OXR1: variants seen among roughly 807,000 people sequenced by gnomAD.
The protein encoded by OXR1 is oxidation resistance 1, also known as oxidation resistance protein 1.
Under a neutral mutation model 104.6 loss-of-function variants are expected in OXR1, and 41 were observed. The observed-to-expected ratio is 0.39, with a 90% confidence interval of 0.31 to 0.51. The LOEUF (loss-of-function observed/expected upper bound fraction) is 0.51, where lower values mean the gene tolerates loss of function less well. OXR1 is among the 20% of genes least tolerant of loss of function. OXR1 has a pLI of 0.77. For synonymous variants in OXR1, 348 were observed against 348.4 expected (o/e 1.00, Z 0.01); for missense variants, 955 against 1,031.9 (o/e 0.93, Z 1.02).
chr8:106,459,214 C>A (rs925967387), intron 2 of OXR1, among the ~76,000 whole-genome samples: 2 of 152,072 alleles, frequency 1.3e-5, no homozygotes, highest in Non-Finnish European at 2.9e-5. Flanking sequence ...GTGGTTATAT[C>A]ACCTCTTATT....
chr8:106,676,919 A>G (rs1827651622), intron 3 of OXR1, among the ~76,000 whole-genome samples: 1 of 152,104 alleles, frequency 6.6e-6, no homozygotes, highest in African/African-American at 2.4e-5. Context: ...TTTGTTTTTC[A>G]AACTTTAAAG....
At chr8:106,310,140 T>C (rs115836913) in intron 1 of OXR1, among the ~76,000 whole-genome samples, 2,741 of 152,096 alleles carry the variant, frequency 0.018, 76 homozygotes, top group African/African-American at 0.063. Context: ...ATATTATGGC[T>C]ATAAAAATGT....
intron 2 of OXR1, among the ~76,000 whole-genome samples, chr8:106,469,407 C>A (rs1246067757): frequency 6.6e-6 from 1 of 151,728 alleles, no homozygotes; most frequent in Non-Finnish European, 1.5e-5. Context: ...TCCAATTGGT[C>A]AGAAATGAGC....
intron 3 of OXR1, among the ~76,000 whole-genome samples, chr8:106,659,191 T>G (rs1825489727): frequency 6.6e-6 from 1 of 152,212 alleles, no homozygotes; most frequent in Non-Finnish European, 1.5e-5. Flanking sequence ...ACTCTTGGCC[T>G]CAAGTGATCC....
intron 2 of OXR1, among the ~76,000 whole-genome samples, chr8:106,509,489 A>G (rs1812381306): frequency 1.3e-5 from 2 of 152,338 alleles, no homozygotes; most frequent in East Asian, 3.9e-4. Flanking sequence ...AACATGCTAC[A>G]TATTTCTAAT....
chr8:106,565,626 T>G (rs964249698), intron 3 of OXR1, among the ~76,000 whole-genome samples: 4 of 152,254 alleles, frequency 2.6e-5, no homozygotes, highest in African/African-American at 9.6e-5. Flanking sequence ...AGAAAAAAAC[T>G]ACTTTAAATT....
intron 2 of OXR1, among the ~76,000 whole-genome samples, chr8:106,378,666 C>G (rs7837406): frequency 2.0e-5 from 3 of 152,112 alleles, no homozygotes; most frequent in African/African-American, 7.2e-5. Flanking sequence ...TGTGCCACCA[C>G]GCCTGGCTAA....
At chr8:106,328,526 A>G (rs1814574006) in intron 1 of OXR1, among the ~76,000 whole-genome samples, 2 of 152,346 alleles carry the variant, frequency 1.3e-5, no homozygotes, top group South Asian at 4.1e-4. Context: ...TAATAAGCAA[A>G]GGCGGTCCTG....
intron 6 of OXR1, among the ~76,000 whole-genome samples, chr8:106,684,922 A>G (rs1335413929): frequency 2.0e-5 from 3 of 152,180 alleles, no homozygotes; most frequent in Admixed American, 6.5e-5. Context: ...ATCTTCTGAA[A>G]GGAATTATAT....
intron 3 of OXR1, among the ~76,000 whole-genome samples, chr8:106,582,915 C>T (rs1247828567): frequency 6.6e-6 from 1 of 152,148 alleles, no homozygotes; most frequent in Non-Finnish European, 1.5e-5. Context: ...TTGGCACCCT[C>T]CCCACAGTGT....
At chr8:106,694,973 T>C (rs1436752363) in intron 7 of OXR1, among the ~76,000 whole-genome samples, 1 of 137,724 alleles carries the variant, frequency 7.3e-6, no homozygotes, top group East Asian at 2.1e-4. Flanking sequence ...TACATGTATA[T>C]TATAATATAT....
At chr8:106,349,509 A>G (rs1815635489) in intron 1 of OXR1, among the ~76,000 whole-genome samples, 1 of 152,196 alleles carries the variant, frequency 6.6e-6, no homozygotes, top group African/African-American at 2.4e-5. Flanking sequence ...CAAAACAGAA[A>G]CGAAAACAAC....
intron 3 of OXR1, among the ~76,000 whole-genome samples, chr8:106,671,044 C>CAAAAAAAAAAA (rs60404483): frequency 6.7e-4 from 33 of 48,932 alleles, no homozygotes; most frequent in Non-Finnish European, 1.0e-3. Flanking sequence ...GACTCTGTCT[C>CAAAAAAAAAAA]AAAAAAAAAA....
At chr8:106,705,456 A>G (rs998734708) in intron 8 of OXR1, among the ~76,000 whole-genome samples, 19 of 152,148 alleles carry the variant, frequency 1.2e-4, no homozygotes, top group African/African-American at 4.3e-4. Context: ...ACCCAGCTTC[A>G]CCATTCAGAG....
intron 2 of OXR1, among the ~76,000 whole-genome samples, chr8:106,379,808 G>A (rs996307492): frequency 6.6e-6 from 1 of 151,958 alleles, no homozygotes; most frequent in East Asian, 1.9e-4. Flanking sequence ...CTCCTAAAGT[G>A]CTGGGATTAC....
intron 3 of OXR1, among the ~76,000 whole-genome samples, chr8:106,523,859 C>T (rs917054884): frequency 6.6e-6 from 1 of 151,748 alleles, no homozygotes; most frequent in Non-Finnish European, 1.5e-5. Context: ...ACTGCAAGCT[C>T]TACCTCCTGG....
intron 2 of OXR1, among the ~76,000 whole-genome samples, chr8:106,399,970 G>A (rs557292345): frequency 6.6e-6 from 1 of 152,080 alleles, no homozygotes; most frequent in Non-Finnish European, 1.5e-5. Context: ...TTATCATCAG[G>A]CTGTTACATA....
At chr8:106,338,381 G>A (rs1219132078) in intron 1 of OXR1, among the ~76,000 whole-genome samples, 2 of 151,926 alleles carry the variant, frequency 1.3e-5, no homozygotes, top group African/African-American at 4.8e-5. Context: ...TGATCAACAT[G>A]GTGAAACCTA....
chr8:106,358,852 AATTTAATTCACTAAATAATTT>A (rs1816101693), intron 1 of OXR1, among the ~76,000 whole-genome samples: 1 of 152,106 alleles, frequency 6.6e-6, no homozygotes, highest in Non-Finnish European at 1.5e-5. Flanking sequence ...TTTAGTGAAT[AATTTAATTCACTAAATAATTT>A]AGTGAATAAT....
Sources: allele counts gnomAD v4.1 joint callset (sites outside exome capture counted in the v4.1 genomes callset), GRCh38; gene constraint gnomAD v4.1.1; transcripts MANE v1.5; gene names NCBI Gene and HGNC (gene_info 2026-07-23, HGNC 2026-07-21).